The following PEX14 variants were observed in gnomAD, a reference collection of about 807,000 sequenced individuals.
PEX14 encodes peroxisomal membrane protein PEX14.
PEX14 carries 15 observed loss-of-function variants against 49.5 expected under a neutral mutation model. The observed-to-expected ratio is 0.30, with a 90% CI of 0.20 to 0.47. The LOEUF is 0.47. PEX14 is among the 20% of genes least tolerant of loss of function. The probability of loss-of-function intolerance (pLI) is 1.00; values close to 1 mark genes in which losing one functional copy is unlikely to be tolerated. For synonymous variants in PEX14, 210 were observed against 212.7 expected, an observed-to-expected ratio of 0.99 and a Z score of 0.11; for missense variants, 398 against 494.8, an observed-to-expected ratio of 0.80 and a Z score of 1.86.
At chr1:10,548,827 A>G (rs1639252981) in intron 3 of PEX14, among the ~76,000 whole-genome samples, 1 of 152,148 alleles carries the variant, frequency 6.6e-6, no homozygotes, top group African/African-American at 2.4e-5. Context: ...CAACTCTACT[A>G]ATGTTTCCTT....
rs184638893 is a variant in PEX14 at position 10,613,339 on chromosome 1, A to G, written c.299-4993A>G. 6.2e-3 allele frequency among the ~76,000 whole-genome samples: 944 copies of G among 152,284 alleles called. 39 individuals are homozygous for G. The highest frequency in any genetic ancestry group is 0.06 in the Admixed American group (912 of 15,294). ...GATGCACCTCTCCTGCCCCCGCTCT[A>G]CCATGGTTTTACCCAAACTGGAGCC... On this transcript the variant is annotated intron_variant, in intron 4 of 8. Coordinates refer to ENST00000356607, the MANE Select transcript of PEX14 (RefSeq NM_004565.3). The surrounding 1 kb of genome is among the most constrained non-coding windows in gnomAD (Gnocchi z 5.0).
rs147210317 is a variant in PEX14, at chr1:10,624,419, C to T, written c.567C>T (p.His189=). The T allele has an allele frequency of 2.0e-4, 320 of 1,611,382 alleles. No individual in the cohort carries two copies. Among genetic ancestry groups the T allele is most frequent in the Middle Eastern group, 9.9e-4 (6 of 6,058 alleles). The part of the protein sequence containing the change: ...QQQQKIQELA[H]ELAAAKATTS... ...AGCAGAAGATCCAGGAGCTTGCCCA[C>T]GAGCTGGCCGCTGCCAAGGTACCTG... Residue 189 remains histidine (H), a synonymous_variant, in exon 7 of 9, where the codon CAC becomes CAT. Coordinates refer to ENST00000356607, the MANE Select transcript of PEX14 (RefSeq NM_004565.3).
At chr1:10,488,882 C>A (rs1434489341) in intron 1 of PEX14, among the ~76,000 whole-genome samples, 2 of 152,156 alleles carry the variant, frequency 1.3e-5, no homozygotes, top group Admixed American at 1.3e-4. Flanking sequence ...AGTTGTAACA[C>A]CTGTCTTACT....
chr1:10,621,744 G>A (rs1641602528), intron 5 of PEX14, among the ~76,000 whole-genome samples: 1 of 152,182 alleles, frequency 6.6e-6, no homozygotes. Context: ...TCACACTGTG[G>A]TTGAAAAGCA....
chr1:10,597,693 TC>T lies in PEX14; in HGVS notation c.170-1542del, dbSNP rs35028629. Among the ~76,000 whole-genome samples the T allele has an allele frequency of 2.6e-5, 4 of 152,184 alleles. No homozygotes were observed. The highest frequency in any genetic ancestry group is 4.8e-5 in the African/African-American group (2 of 41,438). ...GGGCAACCCGGTGGCTCTTCAGACT[TC>T]CCAGTGGTGAGGCTGTGCCTGCCCT... On this transcript the variant is annotated intron_variant, in intron 3 of 8. Coordinates refer to ENST00000356607, the MANE Select transcript of PEX14 (RefSeq NM_004565.3). The surrounding 1 kb of genome is among the most constrained non-coding windows in gnomAD (Gnocchi z 5.7).
intron 2 of PEX14, among the ~76,000 whole-genome samples, chr1:10,530,127 G>A (rs1361318378): frequency 1.3e-5 from 2 of 152,196 alleles, no homozygotes; most frequent in East Asian, 3.9e-4. Flanking sequence ...TTGTGTGTGC[G>A]TTAATTATAG....
In PEX14 at chr1:10,630,491, C is replaced by G. The variant is rs1214529785; in HGVS notation, c.*504C>G. The G allele has an allele frequency of 6.3e-6, 1 of 158,330 alleles. No individual in the cohort carries two copies. The highest frequency in any genetic ancestry group is 1.4e-5 in the Non-Finnish European group (1 of 72,082). 9.8% of individuals were successfully genotyped at this position (158,330 alleles called of 1,614,324 possible). The stretch of plus-strand genomic sequence containing the variant: ...TCAGGTGCCTGTCCCCAGCCCCAAC[C>G]CCACTCATGCCCCGTCGTCCTCCCA... On this transcript the variant is annotated 3_prime_UTR_variant, in exon 9 of 9. Transcript: ENST00000356607. The surrounding 1 kb of genome is among the most constrained non-coding windows in gnomAD (Gnocchi z 4.1).
intron 3 of PEX14, among the ~76,000 whole-genome samples, chr1:10,556,315 T>C (rs1018201283): frequency 4.6e-5 from 7 of 152,126 alleles, no homozygotes; most frequent in Admixed American, 3.9e-4. Context: ...GCAGCTGTGA[T>C]CAGAATTCCA....
chr1:10,590,906 G>A (rs1351289514), intron 3 of PEX14, among the ~76,000 whole-genome samples: 3 of 152,216 alleles, frequency 2.0e-5, no homozygotes, highest in Non-Finnish European at 4.4e-5. Context: ...ACATATTTAA[G>A]ATTCAAGATG....
chr1:10,552,118 A>G (rs1449224348), intron 3 of PEX14, among the ~76,000 whole-genome samples: 1 of 151,810 alleles, frequency 6.6e-6, no homozygotes, highest in African/African-American at 2.4e-5. Context: ...TATACTGCAT[A>G]CTGCATACTT....
chr1:10,625,778 T>TGA (rs1030265031), intron 7 of PEX14, among the ~76,000 whole-genome samples: 2 of 152,352 alleles, frequency 1.3e-5, no homozygotes, highest in African/African-American at 2.4e-5. Context: ...TTTCAGGCCT[T>TGA]ACGCCTGAGA....
At chr1:10,572,760 T>A (rs1201105511) in intron 3 of PEX14, among the ~76,000 whole-genome samples, 19 of 152,092 alleles carry the variant, frequency 1.2e-4, no homozygotes, top group Admixed American at 1.2e-3. Flanking sequence ...ATGGTCTCGA[T>A]CTCCTGACCT....
chr1:10,628,258 T>G lies in PEX14; in HGVS notation c.677+895T>G, dbSNP rs889112079. Among the ~76,000 whole-genome samples, 3 of 152,242 alleles carry G rather than the reference T, an allele frequency of 2.0e-5. No homozygotes were observed. The highest frequency in any genetic ancestry group is 7.2e-5 in the African/African-American group (3 of 41,468). ...TGTTCTGGTTTTTTAAAACTGAAAG[T>G]CCAGTGTCCAGGAGCCACTCTGTCC... is the stretch of plus-strand genomic sequence containing the variant. On this transcript the variant is annotated intron_variant, in intron 8 of 8. Transcript: ENST00000356607. This position sits in a 1 kb window ranked among gnomAD's most constrained non-coding sequence, Gnocchi z 4.5.
intron 3 of PEX14, among the ~76,000 whole-genome samples, chr1:10,570,047 G>A (rs1448034272): frequency 2.0e-5 from 3 of 151,978 alleles, no homozygotes; most frequent in Non-Finnish European, 4.4e-5. Flanking sequence ...TGACCCTCAA[G>A]TATTTAAGAA....
At chr1:10,569,982 G>C (rs1639924725) in intron 3 of PEX14, among the ~76,000 whole-genome samples, 1 of 152,002 alleles carries the variant, frequency 6.6e-6, no homozygotes. Flanking sequence ...CCTCTCCTTT[G>C]TGTTGTATAT....
chr1:10,585,070 G>A lies in PEX14; in HGVS notation c.170-14168G>A, dbSNP rs7516853. 4.5e-3 allele frequency among the ~76,000 whole-genome samples: 682 copies of A among 152,240 alleles called. 7 individuals are homozygous for A. The highest frequency in any genetic ancestry group is 0.016 in the African/African-American group (653 of 41,544). ...TAAAGGATATATTGTGATGTCTAGG[G>A]CGTTGGTTCGCAAGTGTTTTAGTCT... is the stretch of plus-strand genomic sequence containing the variant. On this transcript the variant is annotated intron_variant, in intron 3 of 8. Coordinates refer to ENST00000356607, the MANE Select transcript of PEX14 (RefSeq NM_004565.3).
chr1:10,570,447 C>G (rs1258173817), intron 3 of PEX14, among the ~76,000 whole-genome samples: 3 of 152,144 alleles, frequency 2.0e-5, no homozygotes, highest in Admixed American at 2.0e-4. Flanking sequence ...ATTCTCCTGC[C>G]TCAGCCTCCT....
In PEX14 at chr1:10,577,577, T is replaced by A. The variant is rs1404762475; in HGVS notation, c.170-21661T>A. 6.8e-3 allele frequency among the ~76,000 whole-genome samples: 78 copies of A among 11,522 alleles called. 3 individuals carry two copies. The highest frequency in any genetic ancestry group is 0.013 in the African/African-American group (39 of 2,948). The allele number at this position is 11,522 out of a possible 152,430, so 7.6% of individuals were successfully genotyped here. On this transcript the variant is annotated intron_variant, in intron 3 of 8. Coordinates refer to ENST00000356607, the MANE Select transcript of PEX14 (RefSeq NM_004565.3). ...ATATATATATATTTTTTTTTTTTTT[T>A]TTTTTTTTTTTTTTTTTTTTTTTTT...
intron 2 of PEX14, among the ~76,000 whole-genome samples, chr1:10,521,564 A>G (rs1638295794): frequency 6.6e-6 from 1 of 152,248 alleles, no homozygotes; most frequent in Non-Finnish European, 1.5e-5. Flanking sequence ...GTCTCTAAGC[A>G]GTATTAGTTC....
Sources: allele counts gnomAD v4.1 joint callset (sites outside exome capture counted in the v4.1 genomes callset), GRCh38; gene constraint gnomAD v4.1.1; non-coding constraint Gnocchi (gnomAD v3.1); transcripts MANE v1.5; gene names NCBI Gene and HGNC (gene_info 2026-07-23, HGNC 2026-07-21).